ITPR2: variants seen among roughly 807,000 people sequenced by gnomAD.
The protein encoded by ITPR2 is inositol 1,4,5-trisphosphate receptor type 2.
In ITPR2, 207 loss-of-function variants were observed where a neutral mutation model predicts 317.1. The ratio of observed to expected loss-of-function variants is 0.65; its 90% CI spans 0.58 to 0.73. ITPR2 has a LOEUF of 0.73. Among genes scored for constraint, ITPR2 ranks in the 30% least tolerant of loss-of-function variants. The pLI is 0.00. For synonymous variants in ITPR2, 1,156 were observed against 1,149.1 expected (o/e 1.01, Z -0.12); for missense variants, 2,613 against 3,284.0 (o/e 0.80, Z 4.99).
At chr12:26,412,763 G>C (rs12298312) in intron 51 of ITPR2, among the ~76,000 whole-genome samples, 5,354 of 152,228 alleles carry the variant, frequency 0.035, 280 homozygotes, top group African/African-American at 0.12. Context: ...GGGAGCAAAG[G>C]GGGTGATTCC....
intron 9 of ITPR2, among the ~76,000 whole-genome samples, chr12:26,705,729 C>T (rs1592055970): frequency 6.6e-6 from 1 of 152,274 alleles, no homozygotes; most frequent in Non-Finnish European, 1.5e-5. Context: ...AGCCAGAATC[C>T]TATTCCTTAA....
At chr12:26,501,632 T>C (rs1039619212) in intron 37 of ITPR2, among the ~76,000 whole-genome samples, 45 of 152,194 alleles carry the variant, frequency 3.0e-4, no homozygotes, top group Non-Finnish European at 7.3e-5. Flanking sequence ...ATATATGATG[T>C]CTCAATGATT....
At chr12:26,372,901 C>A in intron 55 of ITPR2, among the ~76,000 whole-genome samples, 1 of 152,176 alleles carries the variant, frequency 6.6e-6, no homozygotes. Flanking sequence ...CACTGCCCCC[C>A]GACCCCAGCC....
chr12:26,525,575 CTA>C (rs1472709231), intron 37 of ITPR2, among the ~76,000 whole-genome samples: 1 of 152,160 alleles, frequency 6.6e-6, no homozygotes, highest in Non-Finnish European at 1.5e-5. Flanking sequence ...GAGACCCTCT[CTA>C]TATGTTTGTT....
At chr12:26,711,926 G>C (rs1026292941) in intron 8 of ITPR2, among the ~76,000 whole-genome samples, 1 of 152,170 alleles carries the variant, frequency 6.6e-6, no homozygotes, top group Non-Finnish European at 1.5e-5. Context: ...CCCTTTCCAT[G>C]CATGCTTTTT....
chr12:26,761,221 C>T (rs1949626719), intron 2 of ITPR2, among the ~76,000 whole-genome samples: 1 of 152,256 alleles, frequency 6.6e-6, no homozygotes, highest in African/African-American at 2.4e-5. Flanking sequence ...TGCTCAAGGA[C>T]TGTATCAGCA....
At chr12:26,488,627 T>C (rs976535907) in intron 39 of ITPR2, among the ~76,000 whole-genome samples, 16 of 152,190 alleles carry the variant, frequency 1.1e-4, no homozygotes, top group African/African-American at 3.9e-4. Flanking sequence ...GCAACCACAG[T>C]AAAACAGTCA....
At chr12:26,782,040 A>G (rs1950103272) in intron 2 of ITPR2, among the ~76,000 whole-genome samples, 22 of 24,726 alleles carry the variant, frequency 8.9e-4, no homozygotes, top group African/African-American at 2.8e-3. Context: ...ATATGTATAG[A>G]GAGAGAGAGA....
intron 37 of ITPR2, among the ~76,000 whole-genome samples, chr12:26,517,920 G>A (rs931773860): frequency 6.6e-6 from 1 of 152,118 alleles, no homozygotes; most frequent in Non-Finnish European, 1.5e-5. Flanking sequence ...ATACTGCTGG[G>A]GATAATGTAA....
intron 2 of ITPR2, among the ~76,000 whole-genome samples, chr12:26,751,732 G>T (rs1020244504): frequency 1.3e-5 from 2 of 152,100 alleles, no homozygotes; most frequent in Admixed American, 6.6e-5. Context: ...CAGGCGTGGT[G>T]GTGGGCGCCT....
At chr12:26,346,118 G>A (rs915958372) in intron 55 of ITPR2, among the ~76,000 whole-genome samples, 3 of 152,156 alleles carry the variant, frequency 2.0e-5, no homozygotes, top group Admixed American at 2.0e-4. Context: ...GAAATCCAGA[G>A]CTTCTCAAAG....
rs146655890 is a variant in ITPR2, at chr12:26,458,978, G to A, written c.6343-15328C>T. ...TCCCCGATGAGAACTACAAAGCACCGCACAGAGTGGGCACAACACAAGCTA... is the reference window on the plus strand; with the variant it reads ...TCCCCGATGAGAACTACAAAGCACCACACAGAGTGGGCACAACACAAGCTA... On this transcript the variant is annotated intron_variant, in intron 45 of 56. Coordinates refer to ENST00000381340, the MANE Select transcript of ITPR2 (RefSeq NM_002223.4). Among the ~76,000 whole-genome samples, 34 of 152,346 alleles carry A rather than the reference G, an allele frequency of 2.2e-4. 1 individual carries two copies. In the East Asian group the frequency reaches 3.1e-3, roughly 14 times the overall value.
chr12:26,689,259 A>G (rs1369634028), intron 10 of ITPR2, among the ~76,000 whole-genome samples: 1 of 152,112 alleles, frequency 6.6e-6, no homozygotes, highest in East Asian at 1.9e-4. Flanking sequence ...TCTACAAAAA[A>G]TACAATAATT....
At chr12:26,787,946 T>C (rs1950283823) in intron 2 of ITPR2, among the ~76,000 whole-genome samples, 1 of 140,388 alleles carries the variant, frequency 7.1e-6, no homozygotes. Flanking sequence ...TTTTTTGAGA[T>C]GAAGTTTCGC....
At chr12:26,358,899 C>T (rs1938730609) in intron 55 of ITPR2, among the ~76,000 whole-genome samples, 1 of 152,178 alleles carries the variant, frequency 6.6e-6, no homozygotes, top group South Asian at 2.1e-4. Context: ...GATTCCTAGA[C>T]CTCTCCATGG....
chr12:26,692,201 T>C (rs570561412), intron 10 of ITPR2, among the ~76,000 whole-genome samples: 1 of 152,196 alleles, frequency 6.6e-6, no homozygotes, highest in African/African-American at 2.4e-5. Context: ...TCTGTTGATG[T>C]ATATAAATGC....
chr12:26,474,356 T>C (rs1400848648), intron 45 of ITPR2, among the ~76,000 whole-genome samples: 1 of 152,210 alleles, frequency 6.6e-6, no homozygotes, highest in African/African-American at 2.4e-5. Context: ...AATTGGCAAA[T>C]GCACATTTAA....
At chr12:26,477,450 T>A (rs1007079284) in intron 43 of ITPR2, among the ~76,000 whole-genome samples, 2 of 152,086 alleles carry the variant, frequency 1.3e-5, no homozygotes, top group Admixed American at 6.6e-5. Context: ...TAATATATAT[T>A]AGCAAATCGA....
rs1481989381 is a variant in ITPR2 at position 26,832,810 on chromosome 12, CTCT to C, written c.-32_-30del. ...GCTTCATGTTCCACAGTGGACGTCC[CTCT>C]TCTTCCCTGCGCCCTCGCCGCCCTC... On this transcript the variant is annotated 5_prime_UTR_variant, in exon 1 of 57. Transcript: ENST00000381340. The C allele has an allele frequency of 1.3e-6, 2 of 1,534,122 alleles. No homozygotes were observed. Among genetic ancestry groups the C allele is most frequent in the Non-Finnish European group, 1.8e-6 (2 of 1,115,610 alleles).
Sources: gnomAD v4.1 joint callset for allele counts (sites outside exome capture counted in the v4.1 genomes callset) on GRCh38, gnomAD v4.1.1 for gene constraint, MANE v1.5 for transcripts, NCBI Gene and HGNC (gene_info 2026-07-23, HGNC 2026-07-21) for gene names.